The following PATJ variants were observed in gnomAD, a reference collection of about 807,000 sequenced individuals.
The protein encoded by PATJ is PATJ crumbs cell polarity complex component.
PATJ carries 190 observed loss-of-function variants against 224.9 expected under a neutral mutation model. That is an observed-to-expected ratio of 0.84 (90% CI 0.75 to 0.95). The LOEUF (loss-of-function observed/expected upper bound fraction) is 0.95, where lower values mean the gene tolerates loss of function less well. PATJ is among the 40% of genes least tolerant of loss of function. The probability of loss-of-function intolerance (pLI) is 0.00; values close to 1 mark genes in which losing one functional copy is unlikely to be tolerated. For synonymous variants in PATJ, 769 were observed against 820.3 expected (o/e 0.94, Z 1.07); for missense variants, 2,121 against 2,270.3 (o/e 0.93, Z 1.34).
intron 6 of PATJ, 68 bp downstream of exon 6, chr1:61,771,694 A>T: frequency 3.6e-6 from 4 of 1,122,500 alleles, no homozygotes; most frequent in Middle Eastern, 4.1e-4. Flanking sequence ...GTGTAAAGAC[A>T]TTTAGAAGGT....
chr1:61,865,085 T>C (rs1280848588), intron 20 of PATJ, among the ~76,000 whole-genome samples: 1 of 152,146 alleles, frequency 6.6e-6, no homozygotes, highest in Non-Finnish European at 1.5e-5. Flanking sequence ...TTATGTATGA[T>C]GCTAAAAGCA....
At chr1:61,832,838 T>C (rs1268266326) in intron 16 of PATJ, among the ~76,000 whole-genome samples, 3 of 152,188 alleles carry the variant, frequency 2.0e-5, no homozygotes, top group Non-Finnish European at 2.9e-5. Flanking sequence ...ATAATTAGTA[T>C]AAAAACAGAA....
At chr1:62,014,234 A>AT (rs1387639685) in intron 28 of PATJ, among the ~76,000 whole-genome samples, 1 of 149,246 alleles carries the variant, frequency 6.7e-6, no homozygotes, top group Non-Finnish European at 1.5e-5. Flanking sequence ...ACTTTTTATT[A>AT]TTTTTTTGTA....
intron 17 of PATJ, among the ~76,000 whole-genome samples, chr1:61,851,717 T>A (rs1191209462): frequency 1.3e-5 from 2 of 152,000 alleles, no homozygotes; most frequent in Non-Finnish European, 2.9e-5. Context: ...GGGGGCAAGA[T>A]TAGAGACAGG....
chr1:61,862,037 A>G (rs1664690818), intron 19 of PATJ, among the ~76,000 whole-genome samples: 1 of 151,160 alleles, frequency 6.6e-6, no homozygotes, highest in African/African-American at 2.4e-5. Flanking sequence ...AATTTTTTGT[A>G]TTTTTGGTAG....
chr1:61,911,932 G>C (rs1672715125), intron 25 of PATJ, among the ~76,000 whole-genome samples: 1 of 149,100 alleles, frequency 6.7e-6, no homozygotes, highest in Non-Finnish European at 1.5e-5. Flanking sequence ...TATCATTACT[G>C]CTGTTTTTTT....
At chr1:61,867,602 C>A in intron 20 of PATJ, among the ~76,000 whole-genome samples, 1 of 141,062 alleles carries the variant, frequency 7.1e-6, no homozygotes, top group African/African-American at 2.7e-5. Context: ...TGCCAATTCT[C>A]ACGTAGGCTG....
At chr1:61,862,935 G>A (rs559353798) in intron 19 of PATJ, among the ~76,000 whole-genome samples, 41 of 145,884 alleles carry the variant, frequency 2.8e-4, no homozygotes, top group African/African-American at 8.9e-4. Context: ...TTTTAGTGCC[G>A]ACATTTTAAA....
chr1:61,885,307 A>G (rs1172495486), intron 22 of PATJ, among the ~76,000 whole-genome samples: 1 of 152,204 alleles, frequency 6.6e-6, no homozygotes, highest in Non-Finnish European at 1.5e-5. Flanking sequence ...TCCAGAATCT[A>G]CAATGAACTC....
chr1:61,839,167 C>T (rs1660688272), intron 17 of PATJ, among the ~76,000 whole-genome samples: 1 of 151,984 alleles, frequency 6.6e-6, no homozygotes, highest in Admixed American at 6.6e-5. Flanking sequence ...AACCATCATA[C>T]TATACTGCTC....
In PATJ at chr1:61,952,349, A is replaced by G. The variant is rs933457736; in HGVS notation, c.3670+24520A>G. ...GGATTTGAGCTGCGTCCAGCATTGG[A>G]TATTTGTCAGGAATGCAGATACCCT... is the stretch of plus-strand genomic sequence containing the variant. On this transcript the variant is annotated intron_variant, in intron 27 of 43. Coordinates refer to ENST00000642238, the MANE Select transcript of PATJ (RefSeq NM_001350145.3). The G allele has an allele frequency of 4.9e-5, 35 of 713,210 alleles. No homozygotes were observed. In the Admixed American group the frequency reaches 6.8e-4, roughly 14 times the overall value. The allele number at this position is 713,210 out of a possible 1,614,324, so 44.2% of individuals were successfully genotyped here.
intron 27 of PATJ, among the ~76,000 whole-genome samples, chr1:61,930,482 C>CCATG (rs1489332650): frequency 5.9e-5 from 9 of 152,162 alleles, no homozygotes; most frequent in African/African-American, 2.2e-4. Context: ...TTCCCAAGGA[C>CCATG]CATGATTCTG....
intron 26 of PATJ, among the ~76,000 whole-genome samples, chr1:61,922,335 T>G (rs756228526): frequency 6.6e-6 from 1 of 152,182 alleles, no homozygotes; most frequent in African/African-American, 2.4e-5. Context: ...TGAGCCACCA[T>G]GCCTGGCCAG....
At chr1:62,051,157 T>C in intron 31 of PATJ, 99 bp downstream of exon 31, 1 of 856,352 alleles carries the variant, frequency 1.2e-6, no homozygotes, top group Non-Finnish European at 1.9e-6. Context: ...TGTTTGCTTC[T>C]CTCAGGAATC....
At chr1:61,788,591 A>G (rs1649092012) in intron 8 of PATJ, among the ~76,000 whole-genome samples, 1 of 152,198 alleles carries the variant, frequency 6.6e-6, no homozygotes, top group Non-Finnish European at 1.5e-5. Flanking sequence ...ACTCCTTCCC[A>G]TTATCTCAAC....
intron 12 of PATJ, among the ~76,000 whole-genome samples, chr1:61,803,283 AAAAT>A (rs1652911655): frequency 6.6e-6 from 1 of 152,310 alleles, no homozygotes; most frequent in South Asian, 2.1e-4. Context: ...CATGCTTAAT[AAAAT>A]AAATAAAAGA....
intron 27 of PATJ, among the ~76,000 whole-genome samples, chr1:61,937,650 C>CTTT (rs370155855): frequency 1.5e-4 from 20 of 133,048 alleles, no homozygotes; most frequent in Non-Finnish European, 1.9e-4. Context: ...CTTTCTTCTT[C>CTTT]TTTTTTTTTT....
At chr1:62,072,937 C>G in intron 31 of PATJ, 1 of 614,290 alleles carries the variant, frequency 1.6e-6, no homozygotes, top group African/African-American at 2.0e-5. Flanking sequence ...GACTGAAGCC[C>G]AATTAAATGT....
At chr1:61,793,505 C>T (rs1291915634) in intron 9 of PATJ, among the ~76,000 whole-genome samples, 1 of 152,024 alleles carries the variant, frequency 6.6e-6, no homozygotes. Context: ...CTTTGGGAGG[C>T]TGAGGCTGAT....
Sources: gnomAD v4.1 joint callset for allele counts (sites outside exome capture counted in the v4.1 genomes callset) on GRCh38, gnomAD v4.1.1 for gene constraint, MANE v1.5 for transcripts, NCBI Gene and HGNC (gene_info 2026-07-23, HGNC 2026-07-21) for gene names.